DENND1A: variants seen among roughly 807,000 people sequenced by gnomAD.
DENND1A encodes the protein DENN domain containing 1A.
Under a neutral mutation model 113.7 loss-of-function variants are expected in DENND1A, and 51 were observed. That is an observed-to-expected ratio of 0.45 (90% CI 0.36 to 0.57). The LOEUF (loss-of-function observed/expected upper bound fraction) is 0.57. Ranked by LOEUF, DENND1A falls within the 20% of genes least tolerant of loss-of-function variation. DENND1A has a pLI of 0.00. For synonymous variants in DENND1A, 565 were observed against 570.8 expected (o/e 0.99, Z 0.14); for missense variants, 1,258 against 1,395.9 (o/e 0.90, Z 1.57).
chr9:123,918,118 A>AAAAT lies in DENND1A; in HGVS notation c.17+11767_17+11770dup, dbSNP rs1257711344. Among the ~76,000 whole-genome samples the AAAAT allele has an allele frequency of 3.7e-3, 552 of 151,002 alleles. 6 individuals are homozygous for AAAAT. The highest frequency in any genetic ancestry group is 0.013 in the East Asian group (69 of 5,134). On this transcript the variant is annotated intron_variant, in intron 1 of 23. Transcript: ENST00000394215. Reference sequence around the variant, plus strand: ...AACAGGATGAGACTCTGTCTCAAAAAAAATAAATAAATAAATAAATAAAAG... The same window carrying AAAAT: ...AACAGGATGAGACTCTGTCTCAAAAAAAATAAATAAATAAATAAATAAATAAAAG...
At chr9:123,761,354 G>A (rs1056266711) in intron 4 of DENND1A, among the ~76,000 whole-genome samples, 1 of 152,222 alleles carries the variant, frequency 6.6e-6, no homozygotes, top group Non-Finnish European at 1.5e-5. Flanking sequence ...ATAAAGGTCA[G>A]TCCAGAGTAG....
intron 11 of DENND1A, among the ~76,000 whole-genome samples, chr9:123,589,693 TC>T (rs2059368481): frequency 6.6e-6 from 1 of 150,572 alleles, no homozygotes; most frequent in Non-Finnish European, 1.5e-5. Context: ...ACACTGGCTT[TC>T]CAAATGGCAT....
intron 1 of DENND1A, among the ~76,000 whole-genome samples, chr9:123,893,015 G>A (rs1286057746): frequency 6.6e-6 from 1 of 151,388 alleles, no homozygotes; most frequent in Non-Finnish European, 1.5e-5. Flanking sequence ...TAAAGAATAA[G>A]AATAAAAAAG....
intron 4 of DENND1A, among the ~76,000 whole-genome samples, chr9:123,761,519 A>C (rs1323765518): frequency 1.3e-5 from 2 of 152,174 alleles, no homozygotes; most frequent in Non-Finnish European, 2.9e-5. Flanking sequence ...TGCCTGTTGC[A>C]TATTTTTCAG....
At chr9:123,919,489 A>C (rs770101704) in intron 1 of DENND1A, among the ~76,000 whole-genome samples, 23 of 151,926 alleles carry the variant, frequency 1.5e-4, no homozygotes, top group Admixed American at 7.2e-4. Context: ...AAAATTAAAA[A>C]TTAAATTTTT....
intron 1 of DENND1A, among the ~76,000 whole-genome samples, chr9:123,913,183 C>T (rs1206611578): frequency 1.3e-5 from 2 of 151,174 alleles, no homozygotes; most frequent in Non-Finnish European, 2.9e-5. Context: ...GAACTCCATG[C>T]CCATACAAAC....
chr9:123,692,470 G>A (rs1160460454), intron 5 of DENND1A, among the ~76,000 whole-genome samples: 3 of 152,146 alleles, frequency 2.0e-5, no homozygotes, highest in South Asian at 4.1e-4. Context: ...CAGAATGAAA[G>A]CAAATTAAAA....
chr9:123,590,573 T>C (rs1056778173), intron 11 of DENND1A, among the ~76,000 whole-genome samples: 1 of 151,992 alleles, frequency 6.6e-6, no homozygotes, highest in African/African-American at 2.4e-5. Flanking sequence ...GTACTTGGAG[T>C]AGTGCCTGGC....
At chr9:123,814,219 T>C (rs1837098222) in intron 2 of DENND1A, among the ~76,000 whole-genome samples, 1 of 152,134 alleles carries the variant, frequency 6.6e-6, no homozygotes, top group Admixed American at 6.5e-5. Flanking sequence ...ACATTAATAA[T>C]TTACCAAATA....
intron 17 of DENND1A, among the ~76,000 whole-genome samples, chr9:123,451,658 T>C (rs564665116): frequency 3.9e-5 from 6 of 152,310 alleles, no homozygotes; most frequent in East Asian, 1.9e-4. Context: ...AGACACCAGA[T>C]AGACCATGCT....
chr9:123,727,942 T>G (rs1454654045), intron 5 of DENND1A, among the ~76,000 whole-genome samples: 1 of 151,358 alleles, frequency 6.6e-6, no homozygotes, highest in Non-Finnish European at 1.5e-5. Flanking sequence ...CCATCTCTAC[T>G]AAAAATACAA....
chr9:123,863,230 T>C (rs682929), intron 2 of DENND1A, among the ~76,000 whole-genome samples: 44,375 of 152,050 alleles, frequency 0.29, 10,326 homozygotes, highest in African/African-American at 0.65. Context: ...GATGGCACTA[T>C]GAGGACCAGA....
chr9:123,909,761 GAAAACCTGAC>G (rs895158506), intron 1 of DENND1A, among the ~76,000 whole-genome samples: 4 of 152,040 alleles, frequency 2.6e-5, no homozygotes, highest in African/African-American at 9.7e-5. Context: ...GTCATTCACA[GAAAACCTGAC>G]TGTATACATA....
intron 10 of DENND1A, among the ~76,000 whole-genome samples, chr9:123,621,379 G>T (rs1309783392): frequency 2.0e-5 from 3 of 151,936 alleles, no homozygotes; most frequent in African/African-American, 7.3e-5. Flanking sequence ...TAGAGATGGG[G>T]TTTCACTATG....
At chr9:123,862,306 A>C (rs1464871319) in intron 2 of DENND1A, among the ~76,000 whole-genome samples, 1 of 152,216 alleles carries the variant, frequency 6.6e-6, no homozygotes, top group East Asian at 1.9e-4. Flanking sequence ...CTACAAAAGC[A>C]AAATCCAGTC....
intron 1 of DENND1A, among the ~76,000 whole-genome samples, chr9:123,893,654 T>A (rs1850267878): frequency 6.6e-6 from 1 of 152,196 alleles, no homozygotes; most frequent in Non-Finnish European, 1.5e-5. Flanking sequence ...TTTACCCACA[T>A]GACATACTGT....
chr9:123,785,040 AG>A (rs2131907317), intron 3 of DENND1A, among the ~76,000 whole-genome samples: 1 of 152,288 alleles, frequency 6.6e-6, no homozygotes, highest in South Asian at 2.1e-4. Flanking sequence ...ATTACTGAAT[AG>A]TACCTCTTAT....
intron 13 of DENND1A, among the ~76,000 whole-genome samples, chr9:123,482,361 G>A (rs2050413909): frequency 6.6e-6 from 1 of 152,202 alleles, no homozygotes; most frequent in Non-Finnish European, 1.5e-5. Context: ...GCCTCCCAAA[G>A]TGTTGGGATT....
chr9:123,566,228 CT>C (rs1326190949), intron 12 of DENND1A, among the ~76,000 whole-genome samples: 1 of 152,196 alleles, frequency 6.6e-6, no homozygotes, highest in African/African-American at 2.4e-5. Context: ...TTTAATATAT[CT>C]CCATTATTGT....
Sources: gnomAD v4.1 joint callset for allele counts (sites outside exome capture counted in the v4.1 genomes callset) on GRCh38, gnomAD v4.1.1 for gene constraint, MANE v1.5 for transcripts, NCBI Gene and HGNC (gene_info 2026-07-23, HGNC 2026-07-21) for gene names.